SIGLEC1: variants seen among roughly 807,000 people sequenced by gnomAD.
SIGLEC1 encodes the protein sialic acid binding Ig like lectin 1.
SIGLEC1 carries 132 observed loss-of-function variants against 148.0 expected under a neutral mutation model. The ratio of observed to expected loss-of-function variants is 0.89; its 90% CI spans 0.77 to 1.03. SIGLEC1 has a LOEUF of 1.03. Ranked by LOEUF, SIGLEC1 falls within the 50% of genes least tolerant of loss-of-function variation. SIGLEC1 has a pLI of 0.00. For synonymous variants in SIGLEC1, 945 were observed against 969.0 expected (o/e 0.98, Z 0.46); for missense variants, 2,253 against 2,271.4 (o/e 0.99, Z 0.16).
rs150431597 is a variant in SIGLEC1, at chr20:3,692,751, G to A, written c.3800C>T (p.Pro1267Leu). ...GGCACCTTCAGGCACGGCAGCCTCC[G>A]GAGCCAGGATCACCCGCACACCTGT... Reference protein sequence around the residue: ...RLEGVRVILAPEAAVPEGAPI... With the variant: ...RLEGVRVILALEAAVPEGAPI... The change falls in exon 16 of 22, where the codon CCG becomes CTG. Residue 1267 changes from proline to leucine, a missense_variant. Coordinates refer to ENST00000344754, the MANE Select transcript of SIGLEC1 (RefSeq NM_023068.4). 38 of 1,611,032 alleles carry A rather than the reference G, an allele frequency of 2.4e-5. No homozygotes were observed. Among genetic ancestry groups the A allele is most frequent in the Admixed American group, 5.0e-5 (3 of 59,994 alleles).
At position 3,697,994 on chromosome 20, in the gene SIGLEC1, A is replaced by C. The variant is rs1170270317; in HGVS notation, c.1926T>G (p.Val642=). The C allele has an allele frequency of 6.2e-7, 1 of 1,611,160 alleles. No homozygotes were observed. ...CCCCTGATGGCAGGGAAGTGGCCAC[A>C]ACACGGTCCTTGTGGAGCAGCTGCA... ...ARLQLLHKDR[V]VATSLPSGGG... is the part of the protein sequence containing the mutation. The change falls in exon 9 of 22, where the codon GTT becomes GTG. Residue 642 remains valine, a synonymous_variant. Coordinates refer to ENST00000344754, the MANE Select transcript of SIGLEC1 (RefSeq NM_023068.4).
chr20:3,698,002 C>T lies in SIGLEC1; in HGVS notation c.1918G>A (p.Asp640Asn). 1.2e-6 allele frequency: 2 copies of T among 1,610,764 alleles called. No individual in the cohort carries two copies. The highest frequency in any genetic ancestry group is 1.7e-6 in the Non-Finnish European group (2 of 1,178,758). Residue 640 changes from aspartate (D) to asparagine (N), a missense_variant, in exon 9 of 22, where the codon GAC (aspartate) becomes AAC (asparagine). Physicochemically the swap from Asp to Asn is conservative, Grantham distance 23. Transcript: ENST00000344754. ...PPARLQLLHKDRVVATSLPSG... is the reference protein window; with the variant it reads ...PPARLQLLHKNRVVATSLPSG... ...GGCAGGGAAGTGGCCACAACACGGT[C>T]CTTGTGGAGCAGCTGCAGCCTGGCG...
Position 3,691,610 on chromosome 20 carries a change from G to A in SIGLEC1, c.4331-10C>T, listed in dbSNP as rs543216892. The stretch of plus-strand genomic sequence containing the variant: ...GCCACCACGCGTGCACCTGCGGGCG[G>A]AGGATAGAGAGATGATTGGGGATCT... On this transcript the variant is annotated splice_polypyrimidine_tract_variant and intron_variant, in intron 17 of 21. Coordinates refer to ENST00000344754, the MANE Select transcript of SIGLEC1 (RefSeq NM_023068.4). 4 of 1,608,868 alleles carry A rather than the reference G, an allele frequency of 2.5e-6. No individual in the cohort carries two copies. Among genetic ancestry groups the A allele is most frequent in the Non-Finnish European group, 2.5e-6 (3 of 1,177,834 alleles).
At chr20:3,694,174 G>GACACC (rs2088795639) in intron 13 of SIGLEC1, 47 bp downstream of exon 13, 28 of 1,165,606 alleles carry the variant, frequency 2.4e-5, no homozygotes, top group Non-Finnish European at 6.0e-6. Context: ...TCTTTTAAAG[G>GACACC]ACACACACAC....
In SIGLEC1 at chr20:3,697,765, GC is replaced by G. The variant is rs1406161522; in HGVS notation, c.2122+32del. The G allele has an allele frequency of 3.8e-6, 6 of 1,597,306 alleles. No homozygotes were observed. The African/African-American group carries it at 6.7e-5, about 18-fold the overall frequency. On this transcript the variant is annotated intron_variant, in intron 9 of 21. Transcript: ENST00000344754. Reference sequence around the variant, plus strand: ...AGAACAGTCCAGAGCTCCAGCCCCTGCCCCCAGGCCACCCATTCCCTGCCTG... The same window carrying G: ...AGAACAGTCCAGAGCTCCAGCCCCTGCCCCAGGCCACCCATTCCCTGCCTG...
At chr20:3,698,197 A>G (rs1166754647) in intron 8 of SIGLEC1, 64 bp from the exon 9 acceptor site, 3 of 1,381,176 alleles carry the variant, frequency 2.2e-6, no homozygotes, top group African/African-American at 1.5e-5. Context: ...AAGCCTGGCT[A>G]GGCTCCCAGA....
In SIGLEC1 at chr20:3,691,557, G is replaced by A. The variant is rs759390751; in HGVS notation, c.4374C>T (p.Gly1458=). The part of the protein sequence containing the change: ...VAEPGLDVPE[G]AALNLSCRLL... The stretch of plus-strand genomic sequence containing the variant: ...GGCGGCAGCTGAGGTTCAGGGCAGC[G>A]CCCTCAGGCACGTCCAGGCCAGGCT... The change falls in exon 18 of 22, where the codon GGC becomes GGT. Residue 1458 remains glycine, a synonymous_variant. Coordinates refer to ENST00000344754, the MANE Select transcript of SIGLEC1 (RefSeq NM_023068.4). 140 of 1,612,910 alleles carry A rather than the reference G, an allele frequency of 8.7e-5. No individual in the cohort carries two copies. Among genetic ancestry groups the A allele is most frequent in the Middle Eastern group, 1.7e-4 (1 of 6,054 alleles).
intron 1 of SIGLEC1, among the ~76,000 whole-genome samples, chr20:3,708,280 T>G (rs2087909918): frequency 6.6e-6 from 1 of 152,134 alleles, no homozygotes; most frequent in Non-Finnish European, 1.5e-5. Context: ...GTGCCCCTGG[T>G]CAGGGAGTGT....
In SIGLEC1 at chr20:3,706,346, C is replaced by T. The variant is rs141329970; in HGVS notation, c.409+1G>A. 263 of 1,607,036 alleles carry T rather than the reference C, an allele frequency of 1.6e-4. No homozygotes were observed. Among genetic ancestry groups the T allele is most frequent in the Non-Finnish European group, 2.1e-4 (251 of 1,176,460 alleles). Reference sequence around the variant, plus strand: ...GGCAGCCAGGCCACCCCACTTATCACCTGTTACTGTGACCAAGGTGCCTTT... The same window carrying T: ...GGCAGCCAGGCCACCCCACTTATCATCTGTTACTGTGACCAAGGTGCCTTT... On this transcript the variant is annotated splice_donor_variant, in intron 3 of 21. Transcript: ENST00000344754. LOFTEE classifies it high-confidence loss of function.
intron 1 of SIGLEC1, among the ~76,000 whole-genome samples, chr20:3,709,514 G>A (rs2087917481): frequency 6.6e-6 from 1 of 152,148 alleles, no homozygotes; most frequent in Admixed American, 6.5e-5. Flanking sequence ...GAAAACAATT[G>A]GGTCATTCCT....
Position 3,697,226 on chromosome 20 carries a change from T to C in SIGLEC1, c.2239A>G (p.Asn747Asp). Residue 747 changes from asparagine (N) to aspartate (D), a missense_variant, in exon 10 of 22, where the codon AAT becomes GAT. Physicochemically the swap from Asn to Asp is conservative, Grantham distance 23. Coordinates refer to ENST00000344754, the MANE Select transcript of SIGLEC1 (RefSeq NM_023068.4). Reference sequence around the variant, plus strand: ...GGACCCTGGGCCCACAGCACCCCATTTCGGAACCAGGAGAAGTTAGCAGGG... The same window carrying C: ...GGACCCTGGGCCCACAGCACCCCATCTCGGAACCAGGAGAAGTTAGCAGGG... The part of the protein sequence containing the change: ...GSPANFSWFR[N>D]GVLWAQGPLE... 1 of 1,613,860 alleles carries C rather than the reference T, an allele frequency of 6.2e-7. No homozygotes were observed. Among genetic ancestry groups the C allele is most frequent in the Non-Finnish European group, 8.5e-7 (1 of 1,180,008 alleles).
In SIGLEC1 at chr20:3,692,811, A is replaced by C. The variant is rs761852696; in HGVS notation, c.3779-39T>G. On this transcript the variant is annotated intron_variant, in intron 15 of 21. Transcript: ENST00000344754. ...GCCAGGATCAGCCGGGCCCAGCCGGACACCACAGTGGGCTTCCATCCCAGT... is the reference window on the plus strand; with the variant it reads ...GCCAGGATCAGCCGGGCCCAGCCGGCCACCACAGTGGGCTTCCATCCCAGT... 3.7e-6 allele frequency: 6 copies of C among 1,601,152 alleles called. No homozygotes were observed. In the East Asian group the frequency reaches 1.3e-4, roughly 36 times the overall value.
chr20:3,696,523 G>T, intron 11 of SIGLEC1, 63 bp downstream of exon 11: 1 of 1,465,280 alleles, frequency 6.8e-7, no homozygotes, highest in Non-Finnish European at 9.2e-7. Context: ...CCAGCCCAAA[G>T]TCTGACCAGA....
intron 10 of SIGLEC1, 71 bp from the exon 11 acceptor site, chr20:3,696,959 C>A: frequency 6.5e-7 from 1 of 1,528,620 alleles, no homozygotes. Context: ...CTATGTCCCC[C>A]ACCTCCTGCC....
In SIGLEC1 at chr20:3,697,851, T is replaced by C; in HGVS notation, c.2069A>G (p.Glu690Gly). ...GGCGTTGCCCAGGGCATTGCTGGCC[T>C]CACAGAGGTACAAGCCCTCCTCTTC... ...LLEEEGLYLC[E>G]ASNALGNAST... Residue 690 changes from glutamate to glycine, a missense_variant, in exon 9 of 22, where the codon GAG (glutamate) becomes GGG (glycine). Transcript: ENST00000344754. 3 of 1,613,058 alleles carry C rather than the reference T, an allele frequency of 1.9e-6. No homozygotes were observed. Among genetic ancestry groups the C allele is most frequent in the Non-Finnish European group, 2.5e-6 (3 of 1,179,990 alleles).
Position 3,697,259 on chromosome 20 carries a change from C to A in SIGLEC1, c.2206G>T (p.Ala736Ser). Residue 736 changes from alanine (A) to serine (S), a missense_variant, in exon 10 of 22, where the codon GCT becomes TCT. By Grantham distance (99) the Ala-to-Ser change is moderately conservative. Transcript: ENST00000344754. ...NLTCNVSREAAGSPANFSWFR... is the reference protein window; with the variant it reads ...NLTCNVSREASGSPANFSWFR... ...CAGGAGAAGTTAGCAGGGCTGCCAG[C>A]AGCTTCCCGGCTCACGTTGCAAGTC... 6.2e-7 allele frequency: 1 copy of A among 1,614,018 alleles called. No homozygotes were observed. Among genetic ancestry groups the A allele is most frequent in the Non-Finnish European group, 8.5e-7 (1 of 1,180,030 alleles).
chr20:3,704,059 G>T lies in SIGLEC1; in HGVS notation c.739C>A (p.Pro247Thr), dbSNP rs575930765. 2 of 1,613,464 alleles carry T rather than the reference G, an allele frequency of 1.2e-6. No individual in the cohort carries two copies. The highest frequency in any genetic ancestry group is 2.2e-5 in the South Asian group (2 of 91,048). Residue 247 changes from proline (P) to threonine (T), a missense_variant, in exon 5 of 22, where the codon CCC becomes ACC. Transcript: ENST00000344754. ...CCTGGAAGGATGTTCCTCCCCGAGG[G>T]GCTGAGGAGGATCTTCACACCCTTG... ...APKGVKILLS[P>T]SGRNILPGEL... is the part of the protein sequence containing the mutation.
intron 11 of SIGLEC1, among the ~76,000 whole-genome samples, 153 bp from the exon 12 acceptor site, chr20:3,695,076 T>C (rs538858573): frequency 1.3e-5 from 2 of 152,304 alleles, no homozygotes; most frequent in African/African-American, 2.4e-5. Flanking sequence ...CTCAGCCCTA[T>C]GCCTTGGCCC....
chr20:3,704,696 A>G (rs2146530721), intron 4 of SIGLEC1, among the ~76,000 whole-genome samples: 1 of 152,352 alleles, frequency 6.6e-6, no homozygotes, highest in Non-Finnish European at 1.5e-5. Context: ...AGCTCACTGC[A>G]GCCTGAAACT....
Sources: gnomAD v4.1 joint callset for allele counts (sites outside exome capture counted in the v4.1 genomes callset) on GRCh38, gnomAD v4.1.1 for gene constraint, MANE v1.5 for transcripts, NCBI Gene and HGNC (gene_info 2026-07-23, HGNC 2026-07-21) for gene names.